Variants in VAV3 observed in about 807,000 individuals in gnomAD.
VAV3 encodes guanine nucleotide exchange factor VAV3.
In VAV3, 94 loss-of-function variants were observed where a neutral mutation model predicts 131.2. The ratio of observed to expected loss-of-function variants is 0.72; its 90% confidence interval spans 0.61 to 0.85. VAV3 has a LOEUF of 0.85. Among genes scored for constraint, VAV3 ranks in the 40% least tolerant of loss-of-function variants. VAV3 has a pLI of 0.00. For missense variants in VAV3, 939 were observed against 1,002.7 expected (o/e 0.94, Z 0.86); for synonymous variants, 349 against 342.0 (o/e 1.02, Z -0.22).
At chr1:107,952,506 AAAAAAG>A (rs1674604207) in intron 1 of VAV3, among the ~76,000 whole-genome samples, 1 of 137,878 alleles carries the variant, frequency 7.3e-6, no homozygotes, top group African/African-American at 2.8e-5. Context: ...ATTCAACCTA[AAAAAAG>A]AAAGACAGGA....
intron 15 of VAV3, among the ~76,000 whole-genome samples, 185 bp downstream of exon 15, chr1:107,748,783 C>A (rs774450823): frequency 6.6e-6 from 1 of 152,178 alleles, no homozygotes; most frequent in Non-Finnish European, 1.5e-5. Context: ...AAACTCCTCT[C>A]CTAGGAGACC....
chr1:107,748,826 C>T (rs1263099063), intron 15 of VAV3, 142 bp downstream of exon 15: 3 of 656,462 alleles, frequency 4.6e-6, no homozygotes, highest in Non-Finnish European at 7.3e-6. Flanking sequence ...CCTAGTAGCA[C>T]TCCTGCTCAC....
At chr1:107,817,121 T>C (rs931594722) in intron 2 of VAV3, among the ~76,000 whole-genome samples, 6 of 152,036 alleles carry the variant, frequency 3.9e-5, no homozygotes, top group African/African-American at 1.5e-4. Flanking sequence ...TCTGAAGGAG[T>C]TCACTACTTA....
At chr1:107,957,797 G>A (rs1251736142) in intron 1 of VAV3, among the ~76,000 whole-genome samples, 1 of 151,514 alleles carries the variant, frequency 6.6e-6, no homozygotes, top group African/African-American at 2.4e-5. Flanking sequence ...ACAATCCACT[G>A]TATTTGAAAA....
intron 25 of VAV3, among the ~76,000 whole-genome samples, chr1:107,576,138 C>A (rs565899364): frequency 6.6e-6 from 1 of 151,922 alleles, no homozygotes; most frequent in African/African-American, 2.4e-5. Context: ...CAGCCCCATC[C>A]CTCTGCAAAC....
chr1:107,777,565 G>A (rs1318126233), intron 3 of VAV3: 5 of 490,842 alleles, frequency 1.0e-5, no homozygotes, highest in Non-Finnish European at 1.5e-5. Context: ...ATGTGCAGGG[G>A]GTCATAATAA....
intron 2 of VAV3, among the ~76,000 whole-genome samples, chr1:107,783,174 ATC>A (rs1557844332): frequency 6.6e-6 from 1 of 152,190 alleles, no homozygotes; most frequent in Non-Finnish European, 1.5e-5. Context: ...GGTTCTGCAA[ATC>A]TGCTTTAGAA....
chr1:107,662,144 T>C (rs563063614), intron 19 of VAV3, among the ~76,000 whole-genome samples: 1 of 152,278 alleles, frequency 6.6e-6, no homozygotes, highest in East Asian at 1.9e-4. Flanking sequence ...AAAAAATGAA[T>C]TGCTATGATT....
intron 20 of VAV3, among the ~76,000 whole-genome samples, chr1:107,623,110 T>C (rs1330143301): frequency 6.6e-6 from 1 of 152,146 alleles, no homozygotes; most frequent in African/African-American, 2.4e-5. Context: ...ACATAAGGGA[T>C]AGTTCTTGGA....
At chr1:107,829,906 G>A (rs181877185) in intron 2 of VAV3, among the ~76,000 whole-genome samples, 9 of 152,156 alleles carry the variant, frequency 5.9e-5, no homozygotes, top group African/African-American at 1.7e-4. Flanking sequence ...ACAAGCAACC[G>A]AGAGATAAGA....
intron 13 of VAV3, 128 bp downstream of exon 13, chr1:107,750,989 G>C (rs1318300273): frequency 9.4e-6 from 8 of 847,858 alleles, no homozygotes; most frequent in South Asian, 1.7e-5. Context: ...AGAAATCATG[G>C]GTTGGTCTGT....
intron 1 of VAV3, among the ~76,000 whole-genome samples, chr1:107,884,992 T>C (rs1670965627): frequency 6.6e-6 from 1 of 151,956 alleles, no homozygotes; most frequent in African/African-American, 2.4e-5. Context: ...ATAGAAGTAG[T>C]GGTAATAATT....
chr1:107,688,301 G>T, intron 18 of VAV3, 80 bp downstream of exon 18: 1 of 1,511,730 alleles, frequency 6.6e-7, no homozygotes, highest in Non-Finnish European at 9.0e-7. Context: ...ATTTAACAGT[G>T]TAAAAGCCCA....
chr1:107,874,421 T>C (rs191164494), intron 2 of VAV3, among the ~76,000 whole-genome samples: 2 of 152,282 alleles, frequency 1.3e-5, no homozygotes, highest in African/African-American at 4.8e-5. Flanking sequence ...CTTCTCTGAG[T>C]CACCCAACCA....
At chr1:107,906,205 G>T (rs1023097625) in intron 1 of VAV3, among the ~76,000 whole-genome samples, 1 of 152,172 alleles carries the variant, frequency 6.6e-6, no homozygotes, top group African/African-American at 2.4e-5. Flanking sequence ...AATGCAGAAG[G>T]CTTGTAACTG....
chr1:107,740,210 C>T (rs1456010010), intron 15 of VAV3, among the ~76,000 whole-genome samples: 1 of 151,938 alleles, frequency 6.6e-6, no homozygotes, highest in Admixed American at 6.6e-5. Flanking sequence ...TCACTTGAAC[C>T]CAGGAGGTGG....
chr1:107,608,669 G>A (rs1489061344), intron 22 of VAV3, among the ~76,000 whole-genome samples: 1 of 151,460 alleles, frequency 6.6e-6, no homozygotes, highest in East Asian at 1.9e-4. Flanking sequence ...GAGGAGGGAA[G>A]GTGGAGGAGG....
chr1:107,931,850 G>C (rs1673452436), intron 1 of VAV3, among the ~76,000 whole-genome samples: 1 of 152,190 alleles, frequency 6.6e-6, no homozygotes, highest in African/African-American at 2.4e-5. Flanking sequence ...CTAACTCTCA[G>C]TAATTCAATA....
At chr1:107,669,067 G>C (rs1460283727) in intron 19 of VAV3, 20 of 1,080,722 alleles carry the variant, frequency 1.9e-5, no homozygotes, top group Non-Finnish European at 5.6e-6. Flanking sequence ...AGGTCAAAAA[G>C]AACACAGGGG....
Sources: allele counts gnomAD v4.1 joint callset (sites outside exome capture counted in the v4.1 genomes callset), GRCh38; gene constraint gnomAD v4.1.1; transcripts MANE v1.5; gene names NCBI Gene and HGNC (gene_info 2026-07-23, HGNC 2026-07-21).